Variants in MMP2 observed in about 807,000 individuals in gnomAD.
The protein encoded by MMP2 is 72 kDa type IV collagenase.
MMP2 carries 39 observed loss-of-function variants against 74.8 expected under a neutral mutation model. The ratio of observed to expected loss-of-function variants is 0.52; its 90% CI spans 0.40 to 0.68. The LOEUF (loss-of-function observed/expected upper bound fraction) is 0.68. MMP2 is among the 30% of genes least tolerant of loss of function. MMP2 has a pLI of 0.00. For missense variants in MMP2, 803 were observed against 878.3 expected, an observed-to-expected ratio of 0.91 and a Z score of 1.08; for synonymous variants, 367 against 339.8, an observed-to-expected ratio of 1.08 and a Z score of -0.88.
chr16:55,505,162 C>G (rs1354036574), intron 12 of MMP2, among the ~76,000 whole-genome samples, 177 bp from the exon 13 acceptor site: 1 of 151,746 alleles, frequency 6.6e-6, no homozygotes, highest in African/African-American at 2.4e-5. Flanking sequence ...TCTATGCTGC[C>G]CAAGCTGGTC....
intron 1 of MMP2, among the ~76,000 whole-genome samples, chr16:55,480,293 C>A (rs1962065306): frequency 6.6e-6 from 1 of 152,150 alleles, no homozygotes; most frequent in African/African-American, 2.4e-5. Flanking sequence ...AAGCAGAGAG[C>A]GCATCTTTTT....
chr16:55,505,672 A>C lies in MMP2; in HGVS notation c.*230A>C. 1.7e-6 allele frequency: 1 copy of C among 584,524 alleles called. No homozygotes were observed. The highest frequency in any genetic ancestry group is 3.1e-6 in the Non-Finnish European group (1 of 326,544). 36.2% of individuals were successfully genotyped at this position (584,524 alleles called of 1,614,324 possible). On this transcript the variant is annotated 3_prime_UTR_variant, in exon 13 of 13. Transcript: ENST00000219070. ...AGGCGCCCCTTCCCCCTCCAATCCC[A>C]CCAACCCTCAGAGCCACCCCTAAAG...
At position 55,505,401 on chromosome 16, in the gene MMP2, G is replaced by T. The variant is rs557085579; in HGVS notation, c.1942G>T (p.Val648Leu). 2.5e-6 allele frequency: 4 copies of T among 1,614,084 alleles called. No individual in the cohort carries two copies. The highest frequency in any genetic ancestry group is 3.4e-6 in the Non-Finnish European group (4 of 1,179,996). ...LKLENQSLKS[V>L]KFGSIKSDWL... ...GCTGGAGAACCAAAGTCTGAAGAGC[G>T]TGAAGTTTGGAAGCATCAAATCCGA... Residue 648 changes from valine (V) to leucine (L), a missense_variant, in exon 13 of 13, where the codon GTG becomes TTG. Physicochemically the swap from Val to Leu is conservative, Grantham distance 32 (BLOSUM62 1). Coordinates refer to ENST00000219070, the MANE Select transcript of MMP2 (RefSeq NM_004530.6).
intron 4 of MMP2, 21 bp downstream of exon 4, chr16:55,485,448 A>G: frequency 1.2e-6 from 2 of 1,613,906 alleles, no homozygotes; most frequent in South Asian, 2.2e-5. Flanking sequence ...GGCCCTCTGC[A>G]TGCCCCAGAC....
At chr16:55,502,339 A>G (rs1156750606) in intron 11 of MMP2, among the ~76,000 whole-genome samples, 1 of 152,174 alleles carries the variant, frequency 6.6e-6, no homozygotes, top group African/African-American at 2.4e-5. Flanking sequence ...GGGAGCTAAC[A>G]TTTCTTAAGT....
chr16:55,488,702 T>TCTGCCCTGAGACCGGTGGGTGCCACTC lies in MMP2; in HGVS notation c.994_1006+14dup. The TCTGCCCTGAGACCGGTGGGTGCCACTC allele has an allele frequency of 6.2e-7, 1 of 1,605,108 alleles. No homozygotes were observed. Among genetic ancestry groups the TCTGCCCTGAGACCGGTGGGTGCCACTC allele is most frequent in the South Asian group, 1.1e-5 (1 of 89,510 alleles). ...TACGACCGCGACAAGAAGTATGGCT[T>TCTGCCCTGAGACCGGTGGGTGCCACTC]CTGCCCTGAGACCGGTGGGTGCCAC... is the stretch of plus-strand genomic sequence containing the variant. On this transcript the variant is annotated inframe_insertion, in exon 6 of 13. Transcript: ENST00000219070.
chr16:55,491,822 C>T lies in MMP2; in HGVS notation c.1202C>T (p.Ala401Val). The T allele has an allele frequency of 6.2e-7, 1 of 1,614,208 alleles. No individual in the cohort carries two copies. Among genetic ancestry groups the T allele is most frequent in the Non-Finnish European group, 8.5e-7 (1 of 1,180,038 alleles). ...PDQGYSLFLV[A>V]AHEFGHAMGL... ...TCAGGGTACAGCCTGTTCCTCGTGG[C>T]AGCCCACGAGTTTGGCCACGCCATG... The change falls in exon 8 of 13, where the codon GCA becomes GTA. Residue 401 changes from alanine (A) to valine (V), a missense_variant. Around this residue, in one of 3 missense-constraint regions of MMP2, gnomAD observed 555 missense variants for 592.0 expected, o/e 0.94. Transcript: ENST00000219070.
In MMP2 at chr16:55,479,545, C is replaced by T. The variant is rs1259431066; in HGVS notation, c.66C>T (p.Cys22=). 4 of 1,611,796 alleles carry T rather than the reference C, an allele frequency of 2.5e-6. No individual in the cohort carries two copies. Among genetic ancestry groups the T allele is most frequent in the Non-Finnish European group, 3.4e-6 (4 of 1,179,528 alleles). ...TGAGGGCGCTCTGTCTCCTGGGCTG[C>T]CTGCTGAGCCACGCCGCCGCCGCGC... The part of the protein sequence containing the change: ...GPLRALCLLG[C]LLSHAAAAPS... Residue 22 remains cysteine (C), a synonymous_variant, in exon 1 of 13, where the codon TGC becomes TGT. Transcript: ENST00000219070.
At chr16:55,497,803 C>G (rs1051137843) in intron 10 of MMP2, among the ~76,000 whole-genome samples, 2 of 152,160 alleles carry the variant, frequency 1.3e-5, no homozygotes, top group Admixed American at 1.3e-4. Flanking sequence ...GGGAGACAGA[C>G]AGCTGGGCTC....
rs1304227711 is a variant in MMP2 at position 55,493,084 on chromosome 16, C to T, written c.1337-74C>T. On this transcript the variant is annotated intron_variant, in intron 8 of 12. Coordinates refer to ENST00000219070, the MANE Select transcript of MMP2 (RefSeq NM_004530.6). ...TCTGACTCTTAGATGGTTGGGTGGGCACCCCTGGGGGCTCACCCTAGTGGG... is the reference window on the plus strand; with the variant it reads ...TCTGACTCTTAGATGGTTGGGTGGGTACCCCTGGGGGCTCACCCTAGTGGG... 3.2e-6 allele frequency: 5 copies of T among 1,584,526 alleles called. No individual in the cohort carries two copies. The Admixed American group carries it at 7.0e-5, about 22-fold the overall frequency.
chr16:55,489,131 C>G (rs1325422972), intron 6 of MMP2, among the ~76,000 whole-genome samples: 1 of 152,190 alleles, frequency 6.6e-6, no homozygotes, highest in African/African-American at 2.4e-5. Flanking sequence ...GCTTTCCTCC[C>G]TGTCTCCTTC....
intron 11 of MMP2, 133 bp downstream of exon 11, chr16:55,498,581 CCT>C: frequency 8.8e-7 from 1 of 1,142,222 alleles, no homozygotes; most frequent in Non-Finnish European, 1.3e-6. Flanking sequence ...TGGTATCTAA[CCT>C]CTTTGGTCTC....
At chr16:55,479,856 T>TA in intron 1 of MMP2, 1 of 624,516 alleles carries the variant, frequency 1.6e-6, no homozygotes, top group East Asian at 2.9e-5. Context: ...TTGGCAACCT[T>TA]CAGCATACAG....
At chr16:55,505,218 G>A (rs2142377022) in intron 12 of MMP2, 121 bp from the exon 13 acceptor site, 1 of 889,704 alleles carries the variant, frequency 1.1e-6, no homozygotes. Context: ...GCCTTTCAAA[G>A]CTCTCTTCTC....
At chr16:55,504,777 C>T (rs1051066245) in intron 12 of MMP2, among the ~76,000 whole-genome samples, 6 of 151,848 alleles carry the variant, frequency 4.0e-5, no homozygotes, top group East Asian at 1.9e-4. Flanking sequence ...CTCAGCCTCC[C>T]GAGTAGCTGG....
rs536773590 is a variant in MMP2, at chr16:55,479,632, G to T, written c.153G>T (p.Val51=). Residue 51 remains valine, a splice_region_variant and synonymous_variant, in exon 1 of 13, where the codon GTG becomes GTT. Coordinates refer to ENST00000219070, the MANE Select transcript of MMP2 (RefSeq NM_004530.6). The part of the protein sequence containing the change: ...VAPKTDKELA[V]QYLNTFYGCP... ...CCAAAACGGACAAAGAGTTGGCAGTGGTGAGTTGCTGCGCTGGCCTCAAGG... is the reference window on the plus strand; with the variant it reads ...CCAAAACGGACAAAGAGTTGGCAGTTGTGAGTTGCTGCGCTGGCCTCAAGG... The T allele has an allele frequency of 6.2e-7, 1 of 1,613,774 alleles. No individual in the cohort carries two copies. The highest frequency in any genetic ancestry group is 8.5e-7 in the Non-Finnish European group (1 of 1,180,004).
rs546440349 is a variant in MMP2 at position 55,504,843 on chromosome 16, G to A, written c.1880-496G>A. Among the ~76,000 whole-genome samples, 22 of 151,960 alleles carry A rather than the reference G, an allele frequency of 1.4e-4. 1 individual carries two copies. Among genetic ancestry groups the A allele is most frequent in the Admixed American group, 1.4e-3 (21 of 15,264 alleles). ...AATTTTTTGTATTTTTAGTAGAGAC[G>A]AGGTTTCACCATGTTAGCCAGGATG... On this transcript the variant is annotated intron_variant, in intron 12 of 12. Coordinates refer to ENST00000219070, the MANE Select transcript of MMP2 (RefSeq NM_004530.6).
chr16:55,488,774 A>G, intron 6 of MMP2, 58 bp downstream of exon 6: 1 of 1,533,986 alleles, frequency 6.5e-7, no homozygotes, highest in Non-Finnish European at 8.8e-7. Context: ...TGACAAAAAA[A>G]AAACCCATAA....
intron 2 of MMP2, 112 bp downstream of exon 2, chr16:55,483,247 T>C: frequency 1.2e-6 from 1 of 816,116 alleles, no homozygotes; most frequent in Non-Finnish European, 2.0e-6. Context: ...TTGTGAAGGC[T>C]TGACATCTTA....
Sources: gnomAD v4.1 joint callset for allele counts (sites outside exome capture counted in the v4.1 genomes callset) on GRCh38, gnomAD v4.1.1 for gene constraint, gnomAD v4.1.1 regional missense constraint, MANE v1.5 for transcripts, NCBI Gene and HGNC (gene_info 2026-07-23, HGNC 2026-07-21) for gene names.